FAM120AOS: variants seen among roughly 807,000 people sequenced by gnomAD.
The protein encoded by FAM120AOS is family with sequence similarity 120 member A opposite strand.
A neutral mutation model predicts 20.2 loss-of-function variants in FAM120AOS; 15 were observed. That is an observed-to-expected ratio of 0.74 (90% CI 0.50 to 1.15). The LOEUF (loss-of-function observed/expected upper bound fraction) is 1.15, where lower values mean the gene tolerates loss of function less well. FAM120AOS is among the 50% of genes most tolerant of loss of function. The pLI is 0.00. For missense variants in FAM120AOS, 327 were observed against 351.9 expected (o/e 0.93, Z 0.57); for synonymous variants, 154 against 154.0 (o/e 1.00, Z 0.00).
upstream of FAM120AOS, chr9:93,453,583 A>C (rs938659172): frequency 1.0e-6 from 1 of 985,282 alleles, no homozygotes; most frequent in Non-Finnish European, 1.2e-6. Context: ...GTTAAGCCTA[A>C]AATGATAGCG....
Position 93,444,786 on chromosome 9 carries a change from G to A in FAM120AOS, c.*2825C>T, listed in dbSNP as rs60847685. Among the ~76,000 whole-genome samples the A allele has an allele frequency of 0.01, 1,577 of 152,070 alleles. 32 individuals are homozygous for A. The highest frequency in any genetic ancestry group is 0.035 in the African/African-American group (1,470 of 41,478). On this transcript the variant is annotated 3_prime_UTR_variant, in exon 3 of 3. Transcript: ENST00000375412. ...TGTGCCACCACGCCTAGCTGATTTT[G>A]TATTTTTAGTAGAGACAGGGTTTCT...
intron 2 of FAM120AOS, among the ~76,000 whole-genome samples, 162 bp downstream of exon 2, chr9:93,450,317 T>C (rs1857072151): frequency 6.6e-6 from 1 of 152,256 alleles, no homozygotes; most frequent in African/African-American, 2.4e-5. Flanking sequence ...CATGTCATCC[T>C]GGCTTTGTGA....
In FAM120AOS at chr9:93,452,675, G is replaced by C; in HGVS notation, c.35C>G (p.Thr12Ser). ...GKTKDIGDDD[T>S]VASEFWSGAL... is the part of the protein sequence containing the mutation. ...CCCGGACCAGAATTCGGAGGCGACAGTGTCATCATCCCCAATATCCTTAGT... is the reference window on the plus strand; with the variant it reads ...CCCGGACCAGAATTCGGAGGCGACACTGTCATCATCCCCAATATCCTTAGT... The change falls in exon 1 of 3, where the codon ACT (threonine) becomes AGT (serine). Residue 12 changes from threonine (T) to serine (S), a missense_variant. By Grantham distance (58) the Thr-to-Ser change is moderately conservative (BLOSUM62 1). This residue lies in a region of FAM120AOS where 155 missense variants were observed against 128.8 expected (regional missense o/e 1.20). Transcript: ENST00000375412. This position sits in a 1 kb window ranked among gnomAD's most constrained non-coding sequence, Gnocchi z 7.0. 1.3e-6 allele frequency: 2 copies of C among 1,598,866 alleles called. No homozygotes were observed. Among genetic ancestry groups the C allele is most frequent in the East Asian group, 2.2e-5 (1 of 44,876 alleles).
At chr9:93,449,059 G>GTTTT (rs141231806) in intron 2 of FAM120AOS, among the ~76,000 whole-genome samples, 4 of 142,544 alleles carry the variant, frequency 2.8e-5, no homozygotes, top group African/African-American at 5.1e-5. Context: ...AATAAATAAA[G>GTTTT]TTTTTTTTTT....
At chr9:93,451,065 C>T in intron 1 of FAM120AOS, 2 of 1,550,626 alleles carry the variant, frequency 1.3e-6, no homozygotes, top group Admixed American at 2.0e-5. Flanking sequence ...CAACCGAGAG[C>T]CCGAAGCTGC....
At position 93,444,680 on chromosome 9, in the gene FAM120AOS, T is replaced by C. The variant is rs1167487001; in HGVS notation, c.*2931A>G. On this transcript the variant is annotated 3_prime_UTR_variant, in exon 3 of 3. Coordinates refer to ENST00000375412, the MANE Select transcript of FAM120AOS (RefSeq NM_198841.4). ...CCCAGGCTGGAGTGCAATGGTGCGATCTCGGCTCACCGCAACCTCCGCCTC... is the reference window on the plus strand; with the variant it reads ...CCCAGGCTGGAGTGCAATGGTGCGACCTCGGCTCACCGCAACCTCCGCCTC... 2.6e-5 allele frequency among the ~76,000 whole-genome samples: 4 copies of C among 151,748 alleles called. No homozygotes were observed. The highest frequency in any genetic ancestry group is 4.8e-5 in the African/African-American group (2 of 41,320).
At position 93,452,817 on chromosome 9, in the gene FAM120AOS, A is replaced by G. The variant is rs79841001; in HGVS notation, c.-108T>C. 2.0e-3 allele frequency: 3,227 copies of G among 1,575,862 alleles called. 63 individuals are homozygous for G. The African/African-American group carries it at 0.037, about 18-fold the overall frequency. ...CAACAGGTTCATCTTGGAAGCAGGC[A>G]GGATACAGAGTAATAGAGGGGGTTT... On this transcript the variant is annotated 5_prime_UTR_variant, in exon 1 of 3. Coordinates refer to ENST00000375412, the MANE Select transcript of FAM120AOS (RefSeq NM_198841.4). The surrounding 1 kb of genome is among the most constrained non-coding windows in gnomAD (Gnocchi z 7.0).
Position 93,453,004 on chromosome 9 carries a change from G to T in FAM120AOS, c.-295C>A. 1.6e-6 allele frequency: 2 copies of T among 1,247,630 alleles called. No homozygotes were observed. Among genetic ancestry groups the T allele is most frequent in the South Asian group, 1.9e-5 (1 of 51,794 alleles). The allele number at this position is 1,247,630 out of a possible 1,614,324, so 77.3% of individuals were successfully genotyped here. A position where few individuals can be genotyped will look rare whatever the true frequency, so the allele number is the denominator to read the frequency against. ...TTCCTCTTAGTACAGGGTGTTTAGA[G>T]AATCTTTCTATGGCTTTTTGTGTTA... On this transcript the variant is annotated 5_prime_UTR_variant, in exon 1 of 3. Transcript: ENST00000375412.
At position 93,451,337 on chromosome 9, in the gene FAM120AOS, C is replaced by T. The variant is rs1223295870; in HGVS notation, c.564-738G>A. The T allele has an allele frequency of 2.1e-6, 3 of 1,432,490 alleles. No individual in the cohort carries two copies. In the African/African-American group the frequency reaches 4.3e-5, roughly 21 times the overall value. The allele number at this position is 1,432,490 out of a possible 1,614,324, so 88.7% of individuals were successfully genotyped here. Reference sequence around the variant, plus strand: ...GCGAGCTCTTCCCCAGGACCTGCTTCGCGGCTTCCCTTCGCCCGAGAACCA... The same window carrying T: ...GCGAGCTCTTCCCCAGGACCTGCTTTGCGGCTTCCCTTCGCCCGAGAACCA... On this transcript the variant is annotated intron_variant, in intron 1 of 2. Transcript: ENST00000375412.
At position 93,443,659 on chromosome 9, in the gene FAM120AOS, G is replaced by A. The variant is rs989942676; in HGVS notation, c.*3952C>T. Among the ~76,000 whole-genome samples the A allele has an allele frequency of 2.0e-5, 3 of 152,136 alleles. No individual in the cohort carries two copies. The highest frequency in any genetic ancestry group is 1.9e-4 in the East Asian group (1 of 5,196). On this transcript the variant is annotated 3_prime_UTR_variant, in exon 3 of 3. Transcript: ENST00000375412. ...GCCTTCTGTTTGGTGGTGGTGGTCC[G>A]AGTGTCAGTTCAGAGTGTGGCTGTG...
Position 93,453,044 on chromosome 9 carries a change from G to A in FAM120AOS, c.-335C>T, listed in dbSNP as rs1477816342. 4.4e-6 allele frequency: 5 copies of A among 1,127,776 alleles called. No homozygotes were observed. Among genetic ancestry groups the A allele is most frequent in the African/African-American group, 3.4e-5 (2 of 59,662 alleles). 69.9% of individuals were successfully genotyped at this position (1,127,776 alleles called of 1,614,324 possible). On this transcript the variant is annotated 5_prime_UTR_variant, in exon 1 of 3. It adds an upstream start codon to the 5' untranslated region. Coordinates refer to ENST00000375412, the MANE Select transcript of FAM120AOS (RefSeq NM_198841.4). ...TTTTTGTGTTAGATTTCAAAGACCC[G>A]TGCACTTTGACAGGATGGGATTTTG...
chr9:93,449,831 A>T (rs1209702044), intron 2 of FAM120AOS, among the ~76,000 whole-genome samples: 1 of 151,944 alleles, frequency 6.6e-6, no homozygotes. Context: ...GTTTAAAGAA[A>T]AGGTAAATAC....
At position 93,447,599 on chromosome 9, in the gene FAM120AOS, G is replaced by T. The variant is rs1856897521; in HGVS notation, c.*12C>A. The T allele has an allele frequency of 6.2e-7, 1 of 1,612,378 alleles. No homozygotes were observed. The highest frequency in any genetic ancestry group is 8.5e-7 in the Non-Finnish European group (1 of 1,178,818). On this transcript the variant is annotated 3_prime_UTR_variant, in exon 3 of 3. Coordinates refer to ENST00000375412, the MANE Select transcript of FAM120AOS (RefSeq NM_198841.4). ...TCCTTTCAATGCCTCTGCAGAACTT[G>T]ACCCTAGTTTTTCAAATTGGACTCA...
rs1010170233 is a variant in FAM120AOS at position 93,452,934 on chromosome 9, G to A, written c.-225C>T. The A allele has an allele frequency of 1.4e-6, 2 of 1,413,614 alleles. No homozygotes were observed. The highest frequency in any genetic ancestry group is 2.9e-5 in the African/African-American group (2 of 68,860). The allele number at this position is 1,413,614 out of a possible 1,614,324, so 87.6% of individuals were successfully genotyped here. On this transcript the variant is annotated 5_prime_UTR_variant, in exon 1 of 3. Coordinates refer to ENST00000375412, the MANE Select transcript of FAM120AOS (RefSeq NM_198841.4). This position sits in a 1 kb window ranked among gnomAD's most constrained non-coding sequence, Gnocchi z 7.0. ...CGGTGACAGCGAGACGTGTCTAAGGGCCAGTGCCCTGGCCTCTACTTCAGA... is the reference window on the plus strand; with the variant it reads ...CGGTGACAGCGAGACGTGTCTAAGGACCAGTGCCCTGGCCTCTACTTCAGA...
rs1246871739 is a variant in FAM120AOS at position 93,444,632 on chromosome 9, G to A, written c.*2979C>T. 1.4e-5 allele frequency among the ~76,000 whole-genome samples: 2 copies of A among 145,226 alleles called. No homozygotes were observed. The highest frequency in any genetic ancestry group is 5.1e-5 in the African/African-American group (2 of 39,472). The stretch of plus-strand genomic sequence containing the variant: ...AGTTCTGCTTTTTTTTTTTTTTCCT[G>A]AGACGGAGTTTCGCTCTTGTTGCCC... On this transcript the variant is annotated 3_prime_UTR_variant, in exon 3 of 3. Coordinates refer to ENST00000375412, the MANE Select transcript of FAM120AOS (RefSeq NM_198841.4).
In FAM120AOS at chr9:93,445,583, G is replaced by T. The variant is rs199731649; in HGVS notation, c.*2028C>A. ...TTCTCCAACTTTCATAAAAATCGTT[G>T]TTTTTTTTTTTTTTTTTTTTTTTTG... On this transcript the variant is annotated 3_prime_UTR_variant, in exon 3 of 3. Coordinates refer to ENST00000375412, the MANE Select transcript of FAM120AOS (RefSeq NM_198841.4). Among the ~76,000 whole-genome samples, 1,777 of 80,208 alleles carry T rather than the reference G, an allele frequency of 0.022. 70 individuals are homozygous for T. Among genetic ancestry groups the T allele is most frequent in the African/African-American group, 0.048 (929 of 19,384 alleles). The allele number at this position is 80,208 out of a possible 152,430, so 52.6% of individuals were successfully genotyped here.
chr9:93,451,760 T>A (rs961473469), intron 1 of FAM120AOS: 16 of 972,206 alleles, frequency 1.6e-5, no homozygotes, highest in South Asian at 4.7e-5. Flanking sequence ...CGGCAGCACA[T>A]GGCGGCCGCG....
chr9:93,451,214 G>C (rs1352743577), intron 1 of FAM120AOS: 1 of 1,528,590 alleles, frequency 6.5e-7, no homozygotes, highest in Non-Finnish European at 8.8e-7. Flanking sequence ...GGTGCGAGCC[G>C]ACGGCGGCGT....
chr9:93,449,722 G>A (rs1199223610), intron 2 of FAM120AOS, among the ~76,000 whole-genome samples: 2 of 151,966 alleles, frequency 1.3e-5, no homozygotes, highest in Non-Finnish European at 2.9e-5. Flanking sequence ...TCTTGACCTC[G>A]TGATCTGCCC....
Sources: allele counts gnomAD v4.1 joint callset (sites outside exome capture counted in the v4.1 genomes callset), GRCh38; gene constraint gnomAD v4.1.1; regional missense constraint gnomAD v4.1.1; non-coding constraint Gnocchi (gnomAD v3.1); transcripts MANE v1.5; gene names NCBI Gene and HGNC (gene_info 2026-07-23, HGNC 2026-07-21).